Variants in GRIN2A observed in about 807,000 individuals in gnomAD.
GRIN2A encodes the protein glutamate receptor ionotropic, NMDA 2A.
A neutral mutation model predicts 113.4 loss-of-function variants in GRIN2A; 22 were observed. The observed-to-expected ratio is 0.19, with a 90% CI of 0.14 to 0.28. GRIN2A has a LOEUF of 0.28. Ranked by LOEUF, GRIN2A falls within the 10% of genes least tolerant of loss-of-function variation. The pLI, the probability that GRIN2A is intolerant of heterozygous loss-of-function variation, is 1.00. For missense variants in GRIN2A, 1,502 were observed against 1,887.0 expected, an observed-to-expected ratio of 0.80 and a Z score of 3.78; for synonymous variants, 827 against 738.4, an observed-to-expected ratio of 1.12 and a Z score of -1.94.
chr16:9,959,792 G>T (rs1365022079), intron 2 of GRIN2A, among the ~76,000 whole-genome samples: 4 of 152,190 alleles, frequency 2.6e-5, no homozygotes, highest in African/African-American at 4.8e-5. Flanking sequence ...TGGCCAACAT[G>T]GTGAAACCCC....
intron 3 of GRIN2A, among the ~76,000 whole-genome samples, chr16:9,919,935 G>A (rs1000754079): frequency 3.3e-5 from 5 of 152,112 alleles, no homozygotes; most frequent in Non-Finnish European, 1.5e-5. Flanking sequence ...CTTCATCCAG[G>A]TATCTGCCAA....
chr16:9,839,422 G>A (rs181678644), intron 7 of GRIN2A, among the ~76,000 whole-genome samples: 9 of 149,030 alleles, frequency 6.0e-5, no homozygotes, highest in South Asian at 2.1e-4. Flanking sequence ...TTTACAAAAC[G>A]GTTAAAAAAA....
chr16:9,816,796 A>G (rs984883544), intron 10 of GRIN2A, among the ~76,000 whole-genome samples: 3 of 152,156 alleles, frequency 2.0e-5, no homozygotes, highest in African/African-American at 7.2e-5. Context: ...CCCTCCTTAC[A>G]GAGATTCTGA....
At position 9,753,630 on chromosome 16, in the gene GRIN2A, C is replaced by T. The variant is rs559524891; in HGVS notation, c.*9519G>A. On this transcript the variant is annotated 3_prime_UTR_variant, in exon 13 of 13. Transcript: ENST00000330684. ...AAGACAACCATAGTATATACTTCCT[C>T]TATCATAGAAAGGTGTTAAGCAAAC... The T allele has an allele frequency of 5.1e-6, 1 of 195,452 alleles. No homozygotes were observed. The highest frequency in any genetic ancestry group is 1.1e-5 in the Non-Finnish European group (1 of 93,898). 12.1% of individuals were successfully genotyped at this position (195,452 alleles called of 1,614,324 possible). A position where few individuals can be genotyped will look rare whatever the true frequency, so the allele number is the denominator to read the frequency against.
At chr16:9,978,013 G>A (rs542926303) in intron 2 of GRIN2A, among the ~76,000 whole-genome samples, 1 of 152,196 alleles carries the variant, frequency 6.6e-6, no homozygotes, top group Non-Finnish European at 1.5e-5. Flanking sequence ...TTAGAACTTG[G>A]ATGCTGGCTG....
At chr16:9,920,871 AAT>A (rs1363289047) in intron 3 of GRIN2A, among the ~76,000 whole-genome samples, 1 of 152,152 alleles carries the variant, frequency 6.6e-6, no homozygotes, top group Non-Finnish European at 1.5e-5. Context: ...CCAGTATCAC[AAT>A]TAAATCTTGG....
intron 4 of GRIN2A, among the ~76,000 whole-genome samples, chr16:9,890,782 T>C (rs1290882505): frequency 1.3e-5 from 2 of 152,170 alleles, no homozygotes; most frequent in Admixed American, 1.3e-4. Flanking sequence ...CACCACACAA[T>C]TACCACAGTT....
chr16:10,122,601 A>AC (rs201154748), intron 2 of GRIN2A, among the ~76,000 whole-genome samples: 1 of 151,932 alleles, frequency 6.6e-6, no homozygotes, highest in African/African-American at 2.4e-5. Context: ...TTTGTCCCCC[A>AC]CCCCCCCAAA....
intron 2 of GRIN2A, among the ~76,000 whole-genome samples, chr16:10,158,085 G>A (rs1315561204): frequency 6.6e-6 from 1 of 152,022 alleles, no homozygotes; most frequent in Non-Finnish European, 1.5e-5. Flanking sequence ...GCCCACTGCA[G>A]CCTCAACCTC....
chr16:10,030,153 G>A (rs773696859), intron 2 of GRIN2A, among the ~76,000 whole-genome samples: 6 of 149,604 alleles, frequency 4.0e-5, no homozygotes, highest in Non-Finnish European at 7.4e-5. Context: ...TTTCAGAGGC[G>A]TTTCAAATCA....
At chr16:10,024,960 A>T (rs577096496) in intron 2 of GRIN2A, among the ~76,000 whole-genome samples, 64 of 152,252 alleles carry the variant, frequency 4.2e-4, no homozygotes, top group South Asian at 4.2e-3. Context: ...TGAATTTTTT[A>T]AAAAAAGCAT....
intron 2 of GRIN2A, among the ~76,000 whole-genome samples, chr16:9,964,172 G>T (rs867317751): frequency 1.3e-5 from 2 of 152,316 alleles, no homozygotes; most frequent in Middle Eastern, 3.4e-3. Flanking sequence ...TGTGTGCAAA[G>T]GCACTGCCGC....
At chr16:9,799,596 G>A (rs1053856505) in intron 10 of GRIN2A, among the ~76,000 whole-genome samples, 2 of 152,200 alleles carry the variant, frequency 1.3e-5, no homozygotes, top group Admixed American at 6.5e-5. Flanking sequence ...GCTGTGTTCC[G>A]ATAAAATGTT....
chr16:9,861,646 G>A (rs2043070448), intron 4 of GRIN2A, among the ~76,000 whole-genome samples: 1 of 152,232 alleles, frequency 6.6e-6, no homozygotes, highest in Non-Finnish European at 1.5e-5. Flanking sequence ...GTTCAGTGAT[G>A]TTTTTTAAAC....
intron 2 of GRIN2A, among the ~76,000 whole-genome samples, chr16:9,983,990 A>G (rs1046279617): frequency 2.0e-5 from 3 of 152,248 alleles, no homozygotes; most frequent in Non-Finnish European, 4.4e-5. Context: ...ACCGTTTTTC[A>G]TAATGGCTGT....
chr16:10,142,861 G>C (rs974794656), intron 2 of GRIN2A, among the ~76,000 whole-genome samples: 4 of 151,986 alleles, frequency 2.6e-5, no homozygotes, highest in African/African-American at 9.7e-5. Flanking sequence ...TTTCCAATTA[G>C]GTATTTAATA....
At chr16:10,116,944 C>A (rs1209199055) in intron 2 of GRIN2A, among the ~76,000 whole-genome samples, 1 of 152,074 alleles carries the variant, frequency 6.6e-6, no homozygotes, top group Non-Finnish European at 1.5e-5. Flanking sequence ...AGGTGAGAAG[C>A]CATCACTGTG....
intron 11 of GRIN2A, among the ~76,000 whole-genome samples, chr16:9,772,031 GT>G (rs796088515): frequency 2.9e-4 from 44 of 151,768 alleles, no homozygotes; most frequent in African/African-American, 9.4e-4. Flanking sequence ...ATGTTAATGA[GT>G]TTTTTTTTAA....
intron 7 of GRIN2A, among the ~76,000 whole-genome samples, chr16:9,836,995 C>G (rs1195594108): frequency 1.3e-5 from 2 of 152,162 alleles, no homozygotes; most frequent in Admixed American, 1.3e-4. Flanking sequence ...TACATTTTTA[C>G]ACAAAAGCTT....
Sources: allele counts gnomAD v4.1 joint callset (sites outside exome capture counted in the v4.1 genomes callset), GRCh38; gene constraint gnomAD v4.1.1; transcripts MANE v1.5; gene names NCBI Gene and HGNC (gene_info 2026-07-23, HGNC 2026-07-21).